PRR5L: variants seen among roughly 807,000 people sequenced by gnomAD.
PRR5L encodes the protein proline rich 5 like, also known as proline-rich protein 5-like.
PRR5L carries 21 observed loss-of-function variants against 36.4 expected under a neutral mutation model. That is an observed-to-expected ratio of 0.58 (90% CI 0.41 to 0.83). The LOEUF (loss-of-function observed/expected upper bound fraction) is 0.83. PRR5L is among the 40% of genes least tolerant of loss of function. PRR5L has a pLI of 0.00. For missense variants in PRR5L, 381 were observed against 473.3 expected (o/e 0.80, Z 1.81); for synonymous variants, 188 against 197.0 (o/e 0.95, Z 0.38).
At chr11:36,352,448 G>A (rs1856985184) in intron 1 of PRR5L, among the ~76,000 whole-genome samples, 1 of 151,986 alleles carries the variant, frequency 6.6e-6, no homozygotes, top group African/African-American at 2.4e-5. Flanking sequence ...TTAGTTAATT[G>A]AGTCCCATCT....
chr11:36,353,069 A>C (rs1353720276), intron 1 of PRR5L, among the ~76,000 whole-genome samples: 1 of 152,202 alleles, frequency 6.6e-6, no homozygotes, highest in Non-Finnish European at 1.5e-5. Context: ...AGCCCACTGC[A>C]ACCTCAAACT....
intron 7 of PRR5L, among the ~76,000 whole-genome samples, chr11:36,446,986 TG>T (rs2133618974): frequency 6.6e-6 from 1 of 152,354 alleles, no homozygotes; most frequent in African/African-American, 2.4e-5. Context: ...TGCAGGCTTA[TG>T]TTCTGTGTTT....
chr11:36,397,078 T>C (rs1857677620), intron 1 of PRR5L, among the ~76,000 whole-genome samples: 1 of 150,392 alleles, frequency 6.6e-6, no homozygotes, highest in Non-Finnish European at 1.5e-5. Flanking sequence ...TTTTTTTTTT[T>C]TTTTTTTGAG....
chr11:36,423,902 G>C (rs1331814971), intron 4 of PRR5L, among the ~76,000 whole-genome samples: 2 of 152,190 alleles, frequency 1.3e-5, no homozygotes, highest in Non-Finnish European at 2.9e-5. Context: ...ATGAGGGGGA[G>C]CCAGACTGGG....
chr11:36,335,172 G>A (rs35926003), intron 1 of PRR5L, among the ~76,000 whole-genome samples: 3 of 151,874 alleles, frequency 2.0e-5, no homozygotes, highest in East Asian at 1.9e-4. Context: ...TTGTGGCCTC[G>A]ACCTCAGCCT....
intron 1 of PRR5L, among the ~76,000 whole-genome samples, chr11:36,311,135 A>G (rs1482404043): frequency 6.6e-6 from 1 of 152,150 alleles, no homozygotes; most frequent in Non-Finnish European, 1.5e-5. Context: ...AGAATGCAGC[A>G]ATTGAGTTTA....
intron 1 of PRR5L, among the ~76,000 whole-genome samples, chr11:36,368,873 G>A (rs1200813553): frequency 6.6e-6 from 1 of 152,106 alleles, no homozygotes. Context: ...TTCAAATACA[G>A]TAAGTATTGA....
At chr11:36,337,494 C>T (rs1036354128) in intron 1 of PRR5L, among the ~76,000 whole-genome samples, 1 of 152,206 alleles carries the variant, frequency 6.6e-6, no homozygotes, top group Non-Finnish European at 1.5e-5. Flanking sequence ...CATTCTGTTA[C>T]AGCATTCCAA....
chr11:36,321,799 G>A (rs542671706), intron 1 of PRR5L, among the ~76,000 whole-genome samples: 1 of 152,260 alleles, frequency 6.6e-6, no homozygotes, highest in Non-Finnish European at 1.5e-5. Flanking sequence ...CAAGATCAAG[G>A]TGCAGCAGGG....
chr11:36,419,367 G>A lies in PRR5L; in HGVS notation c.294+64G>A, dbSNP rs1381499180. On this transcript the variant is annotated intron_variant, in intron 4 of 8. Coordinates refer to ENST00000530639, the MANE Select transcript of PRR5L (RefSeq NM_001160167.2). ...ATGTGGGGGCATGGACCTAAAAGGGGTGGCCAATACTGTACAGTTGGACAT... is the reference window on the plus strand; with the variant it reads ...ATGTGGGGGCATGGACCTAAAAGGGATGGCCAATACTGTACAGTTGGACAT... 1.4e-5 allele frequency: 20 copies of A among 1,395,940 alleles called. 1 individual carries two copies. In the East Asian group the frequency reaches 4.1e-4, roughly 29 times the overall value. The allele number at this position is 1,395,940 out of a possible 1,614,324, so 86.5% of individuals were successfully genotyped here.
At chr11:36,406,027 T>C (rs983953232) in intron 3 of PRR5L, among the ~76,000 whole-genome samples, 1 of 152,202 alleles carries the variant, frequency 6.6e-6, no homozygotes, top group African/African-American at 2.4e-5. Flanking sequence ...AGCAACACCT[T>C]TGTTCTTTGC....
At chr11:36,307,967 A>G (rs1399582009) in intron 1 of PRR5L, among the ~76,000 whole-genome samples, 1 of 152,134 alleles carries the variant, frequency 6.6e-6, no homozygotes, top group East Asian at 1.9e-4. Flanking sequence ...GGCACACTGT[A>G]TGTCTCACTG....
intron 1 of PRR5L, among the ~76,000 whole-genome samples, chr11:36,372,532 T>C (rs1857207474): frequency 6.6e-6 from 1 of 152,208 alleles, no homozygotes; most frequent in African/African-American, 2.4e-5. Context: ...TATTGCATAA[T>C]TTCTGCTTGC....
chr11:36,310,492 G>T (rs549720845), intron 1 of PRR5L, among the ~76,000 whole-genome samples: 2 of 152,154 alleles, frequency 1.3e-5, no homozygotes, highest in Non-Finnish European at 2.9e-5. Flanking sequence ...TATTTGGAAG[G>T]TTACTGTTAC....
At chr11:36,407,632 C>T (rs1215425085) in intron 3 of PRR5L, among the ~76,000 whole-genome samples, 1 of 152,148 alleles carries the variant, frequency 6.6e-6, no homozygotes, top group Non-Finnish European at 1.5e-5. Flanking sequence ...ATGGAGTATC[C>T]AAGTCTGGAG....
At chr11:36,326,694 C>A (rs1457899987) in intron 1 of PRR5L, among the ~76,000 whole-genome samples, 1 of 151,124 alleles carries the variant, frequency 6.6e-6, no homozygotes, top group African/African-American at 2.4e-5. Flanking sequence ...CACCCCCACC[C>A]CCATCCCCAC....
intron 1 of PRR5L, chr11:36,375,925 C>G (rs1857250020): frequency 3.1e-6 from 1 of 324,514 alleles, no homozygotes; most frequent in African/African-American, 2.2e-5. Context: ...GTTCCAGGCT[C>G]CACTCCTCTC....
intron 6 of PRR5L, among the ~76,000 whole-genome samples, chr11:36,440,285 C>T (rs1858693549): frequency 6.6e-6 from 1 of 152,102 alleles, no homozygotes; most frequent in Non-Finnish European, 1.5e-5. Context: ...GATATTGGAG[C>T]CAGTTCTAAC....
chr11:36,335,842 G>A (rs556607977), intron 1 of PRR5L, among the ~76,000 whole-genome samples: 1 of 152,268 alleles, frequency 6.6e-6, no homozygotes, highest in East Asian at 1.9e-4. Context: ...CTTATTCAAA[G>A]TTTTCTTCAT....
Sources: allele counts gnomAD v4.1 joint callset (sites outside exome capture counted in the v4.1 genomes callset), GRCh38; gene constraint gnomAD v4.1.1; transcripts MANE v1.5; gene names NCBI Gene and HGNC (gene_info 2026-07-23, HGNC 2026-07-21).